DIAPH3: variants seen among roughly 807,000 people sequenced by gnomAD.
The protein encoded by DIAPH3 is protein diaphanous homolog 3.
A neutral mutation model predicts 144.3 loss-of-function variants in DIAPH3; 117 were observed. The observed-to-expected ratio is 0.81, with a 90% CI of 0.70 to 0.95. The LOEUF (loss-of-function observed/expected upper bound fraction) is 0.95, where lower values mean the gene tolerates loss of function less well. Among genes scored for constraint, DIAPH3 ranks in the 40% least tolerant of loss-of-function variants. The pLI, the probability that DIAPH3 is intolerant of heterozygous loss-of-function variation, is 0.00. For synonymous variants in DIAPH3, 519 were observed against 488.9 expected, an observed-to-expected ratio of 1.06 and a Z score of -0.81; for missense variants, 1,421 against 1,412.7, an observed-to-expected ratio of 1.01 and a Z score of -0.09.
At chr13:59,853,564 G>T (rs1022310027) in intron 22 of DIAPH3, among the ~76,000 whole-genome samples, 1 of 152,110 alleles carries the variant, frequency 6.6e-6, no homozygotes, top group Non-Finnish European at 1.5e-5. Flanking sequence ...TTTGCCGTCT[G>T]CCATGATTGT....
At chr13:60,151,591 C>T (rs1426764478) in intron 1 of DIAPH3, among the ~76,000 whole-genome samples, 1 of 152,128 alleles carries the variant, frequency 6.6e-6, no homozygotes, top group Admixed American at 6.5e-5. Flanking sequence ...TATAAAGTTA[C>T]AAGAGTACTT....
chr13:59,732,825 A>G (rs542742897), intron 27 of DIAPH3, among the ~76,000 whole-genome samples: 1 of 152,336 alleles, frequency 6.6e-6, no homozygotes, highest in South Asian at 2.1e-4. Context: ...TCAGAAAATT[A>G]GAACATTATT....
chr13:59,757,200 C>T (rs534444322), intron 27 of DIAPH3, among the ~76,000 whole-genome samples: 1 of 152,144 alleles, frequency 6.6e-6, no homozygotes, highest in South Asian at 2.1e-4. Context: ...CCATAGGCTG[C>T]TGGTAGGAGT....
rs1367076245 is a variant in DIAPH3 at position 59,861,325 on chromosome 13, T to G, written c.2737+82A>C. ...GAAAACACTGTGAGAAAGTGGAAAGTACATACAAATAAAAGGTATAATTTT... is the reference window on the plus strand; with the variant it reads ...GAAAACACTGTGAGAAAGTGGAAAGGACATACAAATAAAAGGTATAATTTT... On this transcript the variant is annotated intron_variant, in intron 22 of 27. Transcript: ENST00000400324. 3 of 1,606,958 alleles carry G rather than the reference T, an allele frequency of 1.9e-6. No homozygotes were observed. In the Admixed American group the frequency reaches 5.0e-5, roughly 27 times the overall value.
intron 17 of DIAPH3, among the ~76,000 whole-genome samples, chr13:59,926,244 T>G (rs973638808): frequency 6.6e-6 from 1 of 152,152 alleles, no homozygotes; most frequent in Admixed American, 6.6e-5. Flanking sequence ...CACCTCAGCC[T>G]CCCAAAGTGC....
chr13:59,823,906 A>T (rs2041222282), intron 24 of DIAPH3, among the ~76,000 whole-genome samples: 1 of 152,216 alleles, frequency 6.6e-6, no homozygotes. Context: ...AATTCAGTAG[A>T]ATAATAAATT....
At chr13:59,726,826 A>C (rs2035622965) in intron 27 of DIAPH3, among the ~76,000 whole-genome samples, 1 of 152,230 alleles carries the variant, frequency 6.6e-6, no homozygotes, top group African/African-American at 2.4e-5. Context: ...TAGCCTTAGG[A>C]ACAAAGATGT....
At chr13:59,880,736 C>T (rs1466254501) in intron 20 of DIAPH3, among the ~76,000 whole-genome samples, 1 of 151,910 alleles carries the variant, frequency 6.6e-6, no homozygotes, top group Non-Finnish European at 1.5e-5. Flanking sequence ...AGAATATTTT[C>T]ATATAGACCA....
intron 15 of DIAPH3, 126 bp from the exon 16 acceptor site, chr13:59,971,286 G>T: frequency 2.2e-6 from 2 of 892,022 alleles, no homozygotes; most frequent in Non-Finnish European, 3.2e-6. Flanking sequence ...ATTTCATAAG[G>T]TTTAACCAAA....
intron 17 of DIAPH3, among the ~76,000 whole-genome samples, chr13:59,930,617 A>G (rs2047976464): frequency 6.6e-6 from 1 of 152,212 alleles, no homozygotes; most frequent in South Asian, 2.1e-4. Flanking sequence ...GACACCAGAA[A>G]TGAGTCAGGT....
chr13:59,880,903 T>C lies in DIAPH3; in HGVS notation c.2368-1435A>G, dbSNP rs994391501. 4.7e-5 allele frequency among the ~76,000 whole-genome samples: 7 copies of C among 149,778 alleles called. No homozygotes were observed. In the Admixed American group the frequency reaches 4.8e-4, roughly 10 times the overall value. ...ATGTAGTTATTAATAAGAAGTCTAC[T>C]TTACAAGGCACTTTAAGGAACGTCT... On this transcript the variant is annotated intron_variant, in intron 20 of 27. Transcript: ENST00000400324.
chr13:59,992,870 T>C (rs2140833540), intron 9 of DIAPH3, among the ~76,000 whole-genome samples: 1 of 149,508 alleles, frequency 6.7e-6, no homozygotes, highest in East Asian at 2.0e-4. Flanking sequence ...AAAACACTTG[T>C]AACCAAAAGC....
chr13:59,759,823 G>A (rs1334774483), intron 27 of DIAPH3, among the ~76,000 whole-genome samples: 1 of 152,092 alleles, frequency 6.6e-6, no homozygotes, highest in East Asian at 1.9e-4. Flanking sequence ...GTGTGTGCCT[G>A]TAATCCCAAC....
chr13:59,812,367 A>C (rs974493744), intron 24 of DIAPH3, among the ~76,000 whole-genome samples: 2 of 151,922 alleles, frequency 1.3e-5, no homozygotes, highest in African/African-American at 4.8e-5. Flanking sequence ...ACTACTAAAT[A>C]GTATTGTTGT....
At chr13:59,994,978 G>A (rs1399124770) in intron 9 of DIAPH3, among the ~76,000 whole-genome samples, 1 of 151,736 alleles carries the variant, frequency 6.6e-6, no homozygotes, top group Non-Finnish European at 1.5e-5. Flanking sequence ...TGAGCAAGGA[G>A]GAAGGTTCAA....
intron 27 of DIAPH3, among the ~76,000 whole-genome samples, chr13:59,760,524 A>G (rs1018313567): frequency 6.6e-6 from 1 of 152,180 alleles, no homozygotes; most frequent in African/African-American, 2.4e-5. Flanking sequence ...TTAACATTTT[A>G]AAATCCTAAA....
chr13:60,029,693 T>C (rs2054645961), intron 5 of DIAPH3, among the ~76,000 whole-genome samples: 1 of 152,218 alleles, frequency 6.6e-6, no homozygotes, highest in South Asian at 2.1e-4. Flanking sequence ...AAAGCAGAAC[T>C]GTGGGTCAAT....
intron 21 of DIAPH3, among the ~76,000 whole-genome samples, chr13:59,869,082 G>A (rs1286475386): frequency 2.0e-5 from 3 of 152,134 alleles, no homozygotes; most frequent in Non-Finnish European, 4.4e-5. Context: ...TAAACACTTA[G>A]GAGTGTGATT....
At chr13:59,788,341 C>T (rs1196180566) in intron 25 of DIAPH3, among the ~76,000 whole-genome samples, 1 of 152,072 alleles carries the variant, frequency 6.6e-6, no homozygotes, top group Non-Finnish European at 1.5e-5. Flanking sequence ...AAATTGTGGC[C>T]ATCTGTGGTG....
Sources: allele counts gnomAD v4.1 joint callset (sites outside exome capture counted in the v4.1 genomes callset), GRCh38; gene constraint gnomAD v4.1.1; transcripts MANE v1.5; gene names NCBI Gene and HGNC (gene_info 2026-07-23, HGNC 2026-07-21).